The following DEPDC5 variants were observed in gnomAD, a reference collection of about 807,000 sequenced individuals.
DEPDC5 encodes the protein DEP domain containing 5, GATOR1 subcomplex subunit, also known as GATOR1 complex protein DEPDC5.
A neutral mutation model predicts 217.3 loss-of-function variants in DEPDC5; 73 were observed. The observed-to-expected ratio is 0.34, with a 90% CI of 0.28 to 0.41. The LOEUF (loss-of-function observed/expected upper bound fraction) is 0.41, where lower values mean the gene tolerates loss of function less well. DEPDC5 is among the 10% of genes least tolerant of loss of function. DEPDC5 has a pLI of 1.00. For missense variants in DEPDC5, 1,675 were observed against 2,070.1 expected (o/e 0.81, Z 3.70); for synonymous variants, 733 against 756.7 (o/e 0.97, Z 0.51).
At position 31,897,765 on chromosome 22, in the gene DEPDC5, C is replaced by G. The variant is rs549911208; in HGVS notation, c.4375+112C>G. On this transcript the variant is annotated intron_variant, in intron 40 of 42. Coordinates refer to ENST00000651528, the MANE Select transcript of DEPDC5 (RefSeq NM_001242896.3). Reference sequence around the variant, plus strand: ...GGACTAGGGAAAAGGGACAGCCTTTCAACAAGGGGCCAAAAGGATCAAGGT... The same window carrying G: ...GGACTAGGGAAAAGGGACAGCCTTTGAACAAGGGGCCAAAAGGATCAAGGT... 1,288 of 1,258,976 alleles carry G rather than the reference C, an allele frequency of 1.0e-3. 5 individuals are homozygous for G. Among genetic ancestry groups the G allele is most frequent in the Admixed American group, 2.3e-3 (100 of 43,844 alleles). The allele number at this position is 1,258,976 out of a possible 1,614,324, so 78.0% of individuals were successfully genotyped here.
chr22:31,830,657 G>A (rs2090526736), intron 24 of DEPDC5, among the ~76,000 whole-genome samples: 1 of 151,126 alleles, frequency 6.6e-6, no homozygotes, highest in African/African-American at 2.5e-5. Context: ...GTGTGTGTGT[G>A]TGTGTGTGTG....
intron 4 of DEPDC5, among the ~76,000 whole-genome samples, chr22:31,763,909 ATGTTATGTTATGTT>A (rs900619432): frequency 1.3e-5 from 2 of 151,592 alleles, no homozygotes; most frequent in African/African-American, 4.9e-5. Context: ...TTTTTATGTT[ATGTTATGTTATGTT>A]TGTTATGTTA....
At chr22:31,756,460 G>A (rs533589740) in intron 2 of DEPDC5, among the ~76,000 whole-genome samples, 68 of 152,314 alleles carry the variant, frequency 4.5e-4, no homozygotes, top group South Asian at 4.1e-3. Context: ...CTTTGATGCT[G>A]TTGATGTTGC....
At chr22:31,897,065 T>G (rs1349907770) in intron 39 of DEPDC5, among the ~76,000 whole-genome samples, 1 of 151,662 alleles carries the variant, frequency 6.6e-6, no homozygotes, top group South Asian at 2.1e-4. Context: ...TGCAGGGAGC[T>G]GAGATCTGGC....
At chr22:31,871,687 A>G (rs540101894) in intron 34 of DEPDC5, among the ~76,000 whole-genome samples, 2 of 152,378 alleles carry the variant, frequency 1.3e-5, no homozygotes, top group East Asian at 3.9e-4. Context: ...AGGGTAGAAC[A>G]GTAGGTTTAC....
intron 10 of DEPDC5, among the ~76,000 whole-genome samples, chr22:31,785,774 T>C (rs2084922032): frequency 6.6e-6 from 1 of 152,154 alleles, no homozygotes; most frequent in Non-Finnish European, 1.5e-5. Flanking sequence ...ATCAATGGAA[T>C]TGAATTGAAA....
intron 41 of DEPDC5, among the ~76,000 whole-genome samples, chr22:31,903,784 G>T (rs536851494): frequency 3.3e-4 from 49 of 149,202 alleles, no homozygotes; most frequent in Non-Finnish European, 6.1e-4. Flanking sequence ...TTCCTCCAGG[G>T]ATTCCCAAAT....
chr22:31,766,291 G>C (rs2082813881), intron 5 of DEPDC5, among the ~76,000 whole-genome samples: 1 of 152,124 alleles, frequency 6.6e-6, no homozygotes, highest in African/African-American at 2.4e-5. Context: ...AAGTACATAG[G>C]TAAGTGTCAT....
intron 17 of DEPDC5, chr22:31,805,180 C>T (rs893316089): frequency 3.8e-6 from 1 of 262,752 alleles, no homozygotes; most frequent in East Asian, 9.0e-5. Context: ...TCCCAACTCC[C>T]ACAGACTGTA....
chr22:31,823,059 A>G (rs1337557965), intron 24 of DEPDC5: 2 of 406,590 alleles, frequency 4.9e-6, no homozygotes, highest in Non-Finnish European at 9.3e-6. Flanking sequence ...GGAGCATAGT[A>G]TTGAGGGCAA....
intron 4 of DEPDC5, among the ~76,000 whole-genome samples, chr22:31,763,421 T>C (rs941828785): frequency 2.0e-5 from 3 of 151,890 alleles, no homozygotes; most frequent in Non-Finnish European, 4.4e-5. Flanking sequence ...CACTGCACCA[T>C]TGCCCCTGCC....
chr22:31,764,928 G>T lies in DEPDC5; in HGVS notation c.194-47G>T. Reference sequence around the variant, plus strand: ...TTTATAGATTAGAATATATGGATCTGCTTTTTCAAAATATGTTATCTGAGC... The same window carrying T: ...TTTATAGATTAGAATATATGGATCTTCTTTTTCAAAATATGTTATCTGAGC... On this transcript the variant is annotated intron_variant, in intron 4 of 42. Transcript: ENST00000651528. The T allele has an allele frequency of 2.1e-6, 3 of 1,456,774 alleles. No individual in the cohort carries two copies. In the South Asian group the frequency reaches 3.4e-5, roughly 17 times the overall value. The allele number at this position is 1,456,774 out of a possible 1,614,324, so 90.2% of individuals were successfully genotyped here.
intron 20 of DEPDC5, among the ~76,000 whole-genome samples, chr22:31,811,143 C>T (rs1485344478): frequency 6.6e-6 from 1 of 152,062 alleles, no homozygotes; most frequent in Non-Finnish European, 1.5e-5. Flanking sequence ...AATCTCTGCT[C>T]ACTGCAACTT....
chr22:31,865,474 C>T (rs936883014), intron 33 of DEPDC5, among the ~76,000 whole-genome samples: 3 of 151,956 alleles, frequency 2.0e-5, no homozygotes, highest in East Asian at 1.9e-4. Context: ...CCAGCCCGGG[C>T]GACAGAGCAA....
At chr22:31,904,668 C>T (rs1372582874) in intron 41 of DEPDC5, among the ~76,000 whole-genome samples, 2 of 152,104 alleles carry the variant, frequency 1.3e-5, no homozygotes, top group Non-Finnish European at 1.5e-5. Flanking sequence ...TGCTTGAACC[C>T]GGGAGGTGGA....
rs534882021 is a variant in DEPDC5, at chr22:31,754,026, G to A, written c.-199G>A. ...GCGCTACACGGTCGGGGCGGGCCTA[G>A]TAGGCGCTTCAGGCTTAGGGGCGGA... On this transcript the variant is annotated 5_prime_UTR_variant, in exon 1 of 43. Coordinates refer to ENST00000651528, the MANE Select transcript of DEPDC5 (RefSeq NM_001242896.3). 7.7e-6 allele frequency: 1 copy of A among 130,484 alleles called. No individual in the cohort carries two copies. The highest frequency in any genetic ancestry group is 2.4e-4 in the East Asian group (1 of 4,234). The allele number at this position is 130,484 out of a possible 1,614,324, so 8.1% of individuals were successfully genotyped here.
At chr22:31,844,993 C>T (rs779990624) in intron 29 of DEPDC5, 25 bp from the exon 30 acceptor site, 18 of 1,612,462 alleles carry the variant, frequency 1.1e-5, no homozygotes, top group Non-Finnish European at 1.5e-5. Context: ...CTCACCACCA[C>T]CCTGTGTTTT....
rs981497822 is a variant in DEPDC5, at chr22:31,907,831, C to T, written c.*1334C>T. ...CACTTCTTGCTGTGCCATCTCACCA[C>T]GTGGAGTTCATCACAAGCTCTGTTG... On this transcript the variant is annotated 3_prime_UTR_variant, in exon 43 of 43. Coordinates refer to ENST00000651528, the MANE Select transcript of DEPDC5 (RefSeq NM_001242896.3). 1 of 152,308 alleles carries T rather than the reference C, an allele frequency of 6.6e-6. No individual in the cohort carries two copies. The highest frequency in any genetic ancestry group is 1.5e-5 in the Non-Finnish European group (1 of 68,116). 9.4% of individuals were successfully genotyped at this position (152,308 alleles called of 1,614,324 possible). A position where few individuals can be genotyped will look rare whatever the true frequency, so the allele number is the denominator to read the frequency against.
Position 31,819,131 on chromosome 22 carries a change from G to A in DEPDC5, c.1776G>A (p.Thr592=), listed in dbSNP as rs758533868. Residue 592 remains threonine, a synonymous_variant, in exon 22 of 43, where the codon ACG becomes ACA. Coordinates refer to ENST00000651528, the MANE Select transcript of DEPDC5 (RefSeq NM_001242896.3). ...TGCATGTTCGACCTGGTGGATACAC[G>A]CCCCAGAGAGCACTGATTAACCCCT... ...SMLHVRPGGY[T]PQRALINPFA... The A allele has an allele frequency of 1.2e-5, 19 of 1,614,024 alleles. No individual in the cohort carries two copies. Among genetic ancestry groups the A allele is most frequent in the Non-Finnish European group, 1.5e-5 (18 of 1,180,026 alleles).
Sources: allele counts gnomAD v4.1 joint callset (sites outside exome capture counted in the v4.1 genomes callset), GRCh38; gene constraint gnomAD v4.1.1; transcripts MANE v1.5; gene names NCBI Gene and HGNC (gene_info 2026-07-23, HGNC 2026-07-21).